KNTC1: variants seen among roughly 807,000 people sequenced by gnomAD.
KNTC1 encodes the protein kinetochore-associated protein 1.
Under a neutral mutation model 314.4 loss-of-function variants are expected in KNTC1, and 253 were observed. That is an observed-to-expected ratio of 0.80 (90% CI 0.73 to 0.89). KNTC1 has a LOEUF of 0.89. Among genes scored for constraint, KNTC1 ranks in the 40% least tolerant of loss-of-function variants. The pLI is 0.00. For synonymous variants in KNTC1, 901 were observed against 901.4 expected, an observed-to-expected ratio of 1.00 and a Z score of 0.01; for missense variants, 2,475 against 2,572.9, an observed-to-expected ratio of 0.96 and a Z score of 0.82.
chr12:122,547,993 C>T, intron 12 of KNTC1, 24 bp downstream of exon 12: 3 of 1,464,826 alleles, frequency 2.0e-6, no homozygotes, highest in Non-Finnish European at 1.8e-6. Flanking sequence ...TTATTTTGTG[C>T]TTGCCTATAT....
rs1335097016 is a variant in KNTC1, at chr12:122,530,208, C to G, written c.129+16C>G. ...TTCTGAAAAGGTAGTGATTATTACACTGACTGTTTCATTCACAGAATTTTT... is the reference window on the plus strand; with the variant it reads ...TTCTGAAAAGGTAGTGATTATTACAGTGACTGTTTCATTCACAGAATTTTT... On this transcript the variant is annotated intron_variant, in intron 2 of 63. Transcript: ENST00000333479. The G allele has an allele frequency of 3.1e-6, 5 of 1,608,406 alleles. No homozygotes were observed. The highest frequency in any genetic ancestry group is 4.2e-6 in the Non-Finnish European group (5 of 1,176,568).
chr12:122,561,749 C>A (rs981382069), intron 18 of KNTC1, among the ~76,000 whole-genome samples, 172 bp from the exon 19 acceptor site: 11 of 152,128 alleles, frequency 7.2e-5, no homozygotes, highest in African/African-American at 2.7e-4. Flanking sequence ...CCACTGCCCC[C>A]AGGCAAATGC....
At chr12:122,554,136 G>C (rs886874166) in intron 16 of KNTC1, among the ~76,000 whole-genome samples, 1 of 141,756 alleles carries the variant, frequency 7.1e-6, no homozygotes, top group Non-Finnish European at 1.5e-5. Context: ...TCACCATGTT[G>C]GCCAGGCTGG....
intron 20 of KNTC1, chr12:122,563,833 A>T: frequency 6.9e-7 from 1 of 1,441,348 alleles, no homozygotes. Context: ...AAAGACTTCA[A>T]CAGAAGGAGA....
intron 18 of KNTC1, among the ~76,000 whole-genome samples, chr12:122,561,659 G>T (rs1006954003): frequency 1.3e-5 from 2 of 151,760 alleles, no homozygotes; most frequent in African/African-American, 4.8e-5. Context: ...TCACCATGTT[G>T]CCCAGGGTCA....
chr12:122,557,759 G>T (rs1963697967), intron 18 of KNTC1, 70 bp downstream of exon 18: 2 of 1,052,270 alleles, frequency 1.9e-6, no homozygotes, highest in African/African-American at 1.6e-5. Context: ...TCATAATCCT[G>T]CCTCAAATAT....
chr12:122,553,748 T>C (rs1237458069), intron 16 of KNTC1, among the ~76,000 whole-genome samples: 2 of 151,960 alleles, frequency 1.3e-5, no homozygotes, highest in African/African-American at 2.4e-5. Flanking sequence ...TGTACACATA[T>C]TTGGGAAGAA....
chr12:122,546,804 T>C (rs1962803354), intron 10 of KNTC1, 130 bp downstream of exon 10: 1 of 527,722 alleles, frequency 1.9e-6, no homozygotes, highest in East Asian at 3.3e-5. Context: ...TTTCAGTATA[T>C]GTACCAAAAA....
At chr12:122,574,178 A>G in intron 26 of KNTC1, 104 bp from the exon 27 acceptor site, 1 of 607,634 alleles carries the variant, frequency 1.6e-6, no homozygotes, top group Non-Finnish European at 2.8e-6. Context: ...TTTTCTTTTA[A>G]CACATCTATC....
At chr12:122,575,432 T>G (rs892382513) in intron 27 of KNTC1, 111 bp from the exon 28 acceptor site, 4 of 699,618 alleles carry the variant, frequency 5.7e-6, no homozygotes, top group African/African-American at 5.3e-5. Context: ...GATGAAATAT[T>G]CTCAAACTAC....
chr12:122,529,983 G>A lies in KNTC1; in HGVS notation c.-73-8G>A. Reference sequence around the variant, plus strand: ...CATTTCCCAAGGAACCAGGTTCTATGCAACAAGATAATATGGTGTCTAATT... The same window carrying A: ...CATTTCCCAAGGAACCAGGTTCTATACAACAAGATAATATGGTGTCTAATT... On this transcript the variant is annotated splice_region_variant and splice_polypyrimidine_tract_variant and intron_variant, in intron 1 of 63. Transcript: ENST00000333479. 1 of 1,445,468 alleles carries A rather than the reference G, an allele frequency of 6.9e-7. No individual in the cohort carries two copies. Among genetic ancestry groups the A allele is most frequent in the East Asian group, 2.4e-5 (1 of 42,254 alleles). 89.5% of individuals were successfully genotyped at this position (1,445,468 alleles called of 1,614,324 possible).
At chr12:122,618,461 G>GCT (rs1555241155) in intron 58 of KNTC1, 21 bp from the exon 59 acceptor site, 9 of 1,558,954 alleles carry the variant, frequency 5.8e-6, no homozygotes, top group Non-Finnish European at 7.9e-6. Flanking sequence ...TATCATGGTT[G>GCT]TTTTTTTGTT....
At chr12:122,543,144 G>A (rs985512434) in intron 6 of KNTC1, among the ~76,000 whole-genome samples, 12 of 152,030 alleles carry the variant, frequency 7.9e-5, no homozygotes, top group South Asian at 2.1e-4. Context: ...AACTCCTCAC[G>A]TCAAGTGATT....
chr12:122,612,071 G>GT lies in KNTC1; in HGVS notation c.5623-1029dup, dbSNP rs537150214. 9.9e-3 allele frequency among the ~76,000 whole-genome samples: 1,416 copies of GT among 143,220 alleles called. 16 individuals carry two copies. Among genetic ancestry groups the GT allele is most frequent in the African/African-American group, 0.027 (1,073 of 39,452 alleles). The allele number at this position is 143,220 out of a possible 152,430, so 94.0% of individuals were successfully genotyped here. ...CAAGAACATTCTGGTTTTTTTTTGT[G>GT]TTTTTTTTTTTTGAGATGGAGTCTT... On this transcript the variant is annotated intron_variant, in intron 53 of 63. Transcript: ENST00000333479.
chr12:122,571,246 C>A (rs1964664451), intron 24 of KNTC1, 120 bp downstream of exon 24: 1 of 665,796 alleles, frequency 1.5e-6, no homozygotes, highest in Non-Finnish European at 2.4e-6. Flanking sequence ...TTTTTTTGTG[C>A]CTTTTTTTTG....
intron 22 of KNTC1, among the ~76,000 whole-genome samples, chr12:122,570,141 G>A (rs1255727001): frequency 6.6e-6 from 1 of 152,146 alleles, no homozygotes; most frequent in Non-Finnish European, 1.5e-5. Flanking sequence ...GTAGGAGGAT[G>A]GTTACCAGAG....
At chr12:122,601,679 C>T (rs1055958950) in intron 45 of KNTC1, 54 bp downstream of exon 45, 17 of 1,395,840 alleles carry the variant, frequency 1.2e-5, no homozygotes, top group Non-Finnish European at 1.6e-5. Context: ...TTATTTGGAT[C>T]ATAAATCATA....
chr12:122,563,632 C>T (rs554495741), intron 20 of KNTC1: 16 of 515,988 alleles, frequency 3.1e-5, no homozygotes, highest in African/African-American at 2.2e-4. Flanking sequence ...ACCCTAGCAG[C>T]GAGAAGGGCA....
rs779281092 is a variant in KNTC1, at chr12:122,580,601, A to T, written c.2915-2A>T. 5 of 1,545,516 alleles carry T rather than the reference A, an allele frequency of 3.2e-6. No individual in the cohort carries two copies. The highest frequency in any genetic ancestry group is 4.4e-6 in the Non-Finnish European group (5 of 1,138,754). Reference sequence around the variant, plus strand: ...CTATAACTTTTAAAAATTTAATTACAGACAATCTGCAGAAGAAGGACGAAT... The same window carrying T: ...CTATAACTTTTAAAAATTTAATTACTGACAATCTGCAGAAGAAGGACGAAT... On this transcript the variant is annotated splice_acceptor_variant, in intron 32 of 63. Transcript: ENST00000333479. LOFTEE classifies it high-confidence loss of function.
Sources: allele counts gnomAD v4.1 joint callset (sites outside exome capture counted in the v4.1 genomes callset), GRCh38; gene constraint gnomAD v4.1.1; transcripts MANE v1.5; gene names NCBI Gene and HGNC (gene_info 2026-07-23, HGNC 2026-07-21).